The following GALNT1 variants were observed in gnomAD, a reference collection of about 807,000 sequenced individuals.
GALNT1 encodes the protein GalNAc transferase 1.
In GALNT1, 17 loss-of-function variants were observed where a neutral mutation model predicts 65.7. That is an observed-to-expected ratio of 0.26 (90% CI 0.18 to 0.39). GALNT1 has a LOEUF of 0.39. GALNT1 is among the 10% of genes least tolerant of loss of function. GALNT1 has a pLI of 1.00. For synonymous variants in GALNT1, 210 were observed against 219.7 expected, an observed-to-expected ratio of 0.96 and a Z score of 0.39; for missense variants, 460 against 672.8, an observed-to-expected ratio of 0.68 and a Z score of 3.50.
intron 1 of GALNT1, among the ~76,000 whole-genome samples, chr18:35,606,821 T>TGTGTG (rs2046653908): frequency 7.4e-6 from 1 of 135,592 alleles, no homozygotes; most frequent in Admixed American, 7.2e-5. Context: ...TGTTGATGTT[T>TGTGTG]TGTGTGTGTG....
At chr18:35,628,114 C>T (rs2046944611) in intron 1 of GALNT1, among the ~76,000 whole-genome samples, 1 of 152,198 alleles carries the variant, frequency 6.6e-6, no homozygotes, top group Non-Finnish European at 1.5e-5. Flanking sequence ...AGGAGGCCTG[C>T]TGCCTCTGTA....
rs182638806 is a variant in GALNT1 at position 35,628,009 on chromosome 18, C to T, written c.-103-26551C>T. Reference sequence around the variant, plus strand: ...CTGAGATTGAACTGCAATGTGGCAGCGAGGCTGGGGGAGGGGCACCCGCCA... The same window carrying T: ...CTGAGATTGAACTGCAATGTGGCAGTGAGGCTGGGGGAGGGGCACCCGCCA... On this transcript the variant is annotated intron_variant, in intron 1 of 11. Transcript: ENST00000269195. 5.3e-5 allele frequency among the ~76,000 whole-genome samples: 8 copies of T among 152,238 alleles called. No homozygotes were observed. In the East Asian group the frequency reaches 9.7e-4, roughly 18 times the overall value.
intron 3 of GALNT1, among the ~76,000 whole-genome samples, chr18:35,670,993 A>C (rs2047626668): frequency 6.6e-6 from 1 of 152,202 alleles, no homozygotes; most frequent in Non-Finnish European, 1.5e-5. Context: ...CCTGAAATAA[A>C]TGTGAAGGCA....
intron 1 of GALNT1, among the ~76,000 whole-genome samples, chr18:35,641,450 G>C (rs550168868): frequency 5.3e-4 from 81 of 152,144 alleles, no homozygotes; most frequent in African/African-American, 1.7e-3. Context: ...TCTCCAAAAC[G>C]CTGGGAAAAG....
At chr18:35,650,319 A>G (rs2144361794) in intron 1 of GALNT1, among the ~76,000 whole-genome samples, 2 of 152,312 alleles carry the variant, frequency 1.3e-5, no homozygotes, top group South Asian at 4.1e-4. Flanking sequence ...CACAGAGTTC[A>G]CATGCTTCAC....
At chr18:35,654,184 G>A (rs1474496080) in intron 1 of GALNT1, among the ~76,000 whole-genome samples, 1 of 152,124 alleles carries the variant, frequency 6.6e-6, no homozygotes, top group Non-Finnish European at 1.5e-5. Context: ...GTGTTTGATG[G>A]GTGTGAAATA....
chr18:35,629,552 A>T (rs2046974151), intron 1 of GALNT1, among the ~76,000 whole-genome samples: 1 of 152,202 alleles, frequency 6.6e-6, no homozygotes, highest in African/African-American at 2.4e-5. Context: ...GCCCTACGAG[A>T]GCTCCTAAAG....
chr18:35,581,111 A>T (rs2143783269), upstream of GALNT1: 1 of 152,166 alleles, frequency 6.6e-6, no homozygotes, highest in Middle Eastern at 3.4e-3. Flanking sequence ...CGCCTCAGGC[A>T]GCCGACCGGG....
upstream of GALNT1, among the ~76,000 whole-genome samples, chr18:35,581,486 C>A (rs1264311061): frequency 6.9e-6 from 1 of 145,240 alleles, no homozygotes. Context: ...CCGCCGCCGC[C>A]GCTGCCGCCG....
chr18:35,702,265 C>T (rs987089407), intron 9 of GALNT1, among the ~76,000 whole-genome samples: 12 of 152,126 alleles, frequency 7.9e-5, no homozygotes, highest in African/African-American at 2.4e-4. Flanking sequence ...CTGACAGTAC[C>T]GTACATAGGA....
intron 1 of GALNT1, among the ~76,000 whole-genome samples, chr18:35,620,656 T>C (rs930774849): frequency 6.6e-6 from 1 of 152,360 alleles, no homozygotes; most frequent in African/African-American, 2.4e-5. Context: ...TTGTACATAT[T>C]CTGTAAATCA....
chr18:35,629,208 T>C (rs1268193192), intron 1 of GALNT1, among the ~76,000 whole-genome samples: 1 of 151,996 alleles, frequency 6.6e-6, no homozygotes, highest in Admixed American at 6.6e-5. Flanking sequence ...ATTCAGGAAA[T>C]ACAGAGAACG....
At chr18:35,611,333 T>C (rs553327039) in intron 1 of GALNT1, among the ~76,000 whole-genome samples, 6 of 152,188 alleles carry the variant, frequency 3.9e-5, no homozygotes, top group Admixed American at 1.3e-4. Flanking sequence ...GCAGGAATAC[T>C]GTGTGAGAGA....
At chr18:35,703,309 T>TTAC (rs1394709257) in intron 10 of GALNT1, among the ~76,000 whole-genome samples, 200 bp from the exon 11 acceptor site, 2 of 152,212 alleles carry the variant, frequency 1.3e-5, no homozygotes, top group African/African-American at 4.8e-5. Context: ...TTGCTTCAGC[T>TTAC]TGTAAGCAAG....
chr18:35,663,976 C>T lies in GALNT1; in HGVS notation c.314+174C>T, dbSNP rs543024882. 146 of 588,942 alleles carry T rather than the reference C, an allele frequency of 2.5e-4. 1 individual carries two copies. In the South Asian group the frequency reaches 3.2e-3, roughly 13 times the overall value. The allele number at this position is 588,942 out of a possible 1,614,324, so 36.5% of individuals were successfully genotyped here. ...ATAGAAATAATATCTCAAGCTTCTA[C>T]TGATTATTAGCACTATGTATTTCAG... On this transcript the variant is annotated intron_variant, in intron 3 of 11. Coordinates refer to ENST00000269195, the MANE Select transcript of GALNT1 (RefSeq NM_020474.4).
At chr18:35,696,375 C>T (rs1198193138) in intron 9 of GALNT1, among the ~76,000 whole-genome samples, 1 of 152,192 alleles carries the variant, frequency 6.6e-6, no homozygotes, top group East Asian at 1.9e-4. Context: ...AAAGGGAAAT[C>T]AGAAAATGTA....
At chr18:35,632,312 A>G (rs1461498265) in intron 1 of GALNT1, among the ~76,000 whole-genome samples, 3 of 152,330 alleles carry the variant, frequency 2.0e-5, no homozygotes, top group East Asian at 1.9e-4. Context: ...CTACAAGGCT[A>G]CAGTAACCAA....
intron 1 of GALNT1, among the ~76,000 whole-genome samples, chr18:35,629,466 T>C (rs1450942323): frequency 6.6e-6 from 1 of 152,096 alleles, no homozygotes; most frequent in Non-Finnish European, 1.5e-5. Context: ...CCAGCCAAAC[T>C]AAGCTTCACA....
At chr18:35,692,148 TA>T in intron 8 of GALNT1, 32 bp from the exon 9 acceptor site, 1 of 1,572,972 alleles carries the variant, frequency 6.4e-7, no homozygotes, top group Non-Finnish European at 8.7e-7. Flanking sequence ...AAAACAACAC[TA>T]ATAATTCAGA....
Sources: allele counts gnomAD v4.1 joint callset (sites outside exome capture counted in the v4.1 genomes callset), GRCh38; gene constraint gnomAD v4.1.1; transcripts MANE v1.5; gene names NCBI Gene and HGNC (gene_info 2026-07-23, HGNC 2026-07-21).